Variants in WRNIP1 observed in about 807,000 individuals in gnomAD.
The protein encoded by WRNIP1 is ATPase WRNIP1.
A neutral mutation model predicts 56.1 loss-of-function variants in WRNIP1; 41 were observed. That is an observed-to-expected ratio of 0.73 (90% confidence interval 0.57 to 0.95). The LOEUF is 0.95. WRNIP1 is among the 40% of genes least tolerant of loss of function. The probability of loss-of-function intolerance (pLI) is 0.00; values close to 1 mark genes in which losing one functional copy is unlikely to be tolerated. For missense variants in WRNIP1, 1,170 were observed against 939.4 expected (o/e 1.25, Z -3.21); for synonymous variants, 547 against 398.1 (o/e 1.37, Z -4.45).
In WRNIP1 at chr6:2,768,740, G is replaced by A. The variant is rs908406397; in HGVS notation, c.872G>A (p.Arg291Lys). The change falls in exon 2 of 7, where the codon AGG (arginine) becomes AAG (lysine). Residue 291 changes from arginine (R) to lysine (K), a missense_variant. Physicochemically the swap from Arg to Lys is conservative, Grantham distance 26 (BLOSUM62 2). Coordinates refer to ENST00000380773, the MANE Select transcript of WRNIP1 (RefSeq NM_020135.3). ...IASNSKKHSIRFVTLSATNAK... is the reference protein window; with the variant it reads ...IASNSKKHSIKFVTLSATNAK... ...AGCAACAGCAAGAAACATAGCATAA[G>A]GTTTGTGACATTATCTGCAACAAAT... 3.7e-6 allele frequency: 6 copies of A among 1,613,640 alleles called. No homozygotes were observed. The highest frequency in any genetic ancestry group is 1.7e-5 in the Admixed American group (1 of 59,958).
At position 2,786,790 on chromosome 6, in the gene WRNIP1, A is replaced by C. The variant is rs1393040379; in HGVS notation, c.*1508A>C. The C allele has an allele frequency of 6.6e-6, 1 of 151,182 alleles. No individual in the cohort carries two copies. Among genetic ancestry groups the C allele is most frequent in the African/African-American group, 2.4e-5 (1 of 40,992 alleles). The allele number at this position is 151,182 out of a possible 1,614,324, so 9.4% of individuals were successfully genotyped here. ...GTTTGTAACCTCTATCAACTTGTAG[A>C]CTCTTCTGTCTTTGCTCCCCGTGTT... On this transcript the variant is annotated 3_prime_UTR_variant, in exon 7 of 7. Coordinates refer to ENST00000380773, the MANE Select transcript of WRNIP1 (RefSeq NM_020135.3).
At chr6:2,767,217 AAC>A (rs1582164548) in intron 1 of WRNIP1, among the ~76,000 whole-genome samples, 1 of 152,196 alleles carries the variant, frequency 6.6e-6, no homozygotes, top group East Asian at 1.9e-4. Flanking sequence ...TCATTGGAAA[AAC>A]ACTTGAGAAA....
In WRNIP1 at chr6:2,766,110, A is replaced by C; in HGVS notation, c.488A>C (p.Gln163Pro). The C allele has an allele frequency of 7.7e-7, 1 of 1,304,458 alleles. No individual in the cohort carries two copies. The highest frequency in any genetic ancestry group is 9.7e-7 in the Non-Finnish European group (1 of 1,032,872). The allele number at this position is 1,304,458 out of a possible 1,614,324, so 80.8% of individuals were successfully genotyped here. The change falls in exon 1 of 7, where the codon CAG becomes CCG. Residue 163 changes from glutamine (Q) to proline (P), a missense_variant. Gln to Pro is a moderately conservative substitution (Grantham distance 76). Coordinates refer to ENST00000380773, the MANE Select transcript of WRNIP1 (RefSeq NM_020135.3). Reference sequence around the variant, plus strand: ...CGCAGCTGGGACGAGGCGGAGGCGCAGGAGGAGGAGGAGGCCGTGGGCGAC... The same window carrying C: ...CGCAGCTGGGACGAGGCGGAGGCGCCGGAGGAGGAGGAGGCCGTGGGCGAC... ...SPRSWDEAEA[Q>P]EEEEAVGDGD...
At chr6:2,771,101 T>G (rs1240598210) in intron 3 of WRNIP1, among the ~76,000 whole-genome samples, 1 of 152,232 alleles carries the variant, frequency 6.6e-6, no homozygotes, top group Non-Finnish European at 1.5e-5. Context: ...GCTGAAATAC[T>G]GCCATGGAAC....
chr6:2,786,174 G>A lies in WRNIP1; in HGVS notation c.*892G>A, dbSNP rs1386341316. 6.6e-6 allele frequency: 1 copy of A among 152,188 alleles called. No individual in the cohort carries two copies. Among genetic ancestry groups the A allele is most frequent in the African/African-American group, 2.4e-5 (1 of 41,410 alleles). The allele number at this position is 152,188 out of a possible 1,614,324, so 9.4% of individuals were successfully genotyped here. On this transcript the variant is annotated 3_prime_UTR_variant, in exon 7 of 7. Transcript: ENST00000380773. ...ATGCCCACAAGGATGGCCCCTTCAGGTAGTCGGTTCTCCTCCTGCTGTTGC... is the reference window on the plus strand; with the variant it reads ...ATGCCCACAAGGATGGCCCCTTCAGATAGTCGGTTCTCCTCCTGCTGTTGC...
chr6:2,770,392 C>T (rs1429337744), intron 3 of WRNIP1, 31 bp downstream of exon 3: 5 of 1,612,116 alleles, frequency 3.1e-6, no homozygotes, highest in Admixed American at 3.3e-5. Flanking sequence ...GTCCTGGGGG[C>T]ACACACCTCC....
At chr6:2,767,463 C>T (rs1323184827) in intron 1 of WRNIP1, among the ~76,000 whole-genome samples, 1 of 152,198 alleles carries the variant, frequency 6.6e-6, no homozygotes, top group African/African-American at 2.4e-5. Flanking sequence ...TTAAGCACAC[C>T]CCCTTTAACT....
At chr6:2,774,846 G>C (rs160668) in intron 3 of WRNIP1, among the ~76,000 whole-genome samples, 82,515 of 152,106 alleles carry the variant, frequency 0.54, 23,218 homozygotes, top group East Asian at 0.76. Context: ...CTGGGGCTCT[G>C]CCTTGGATAT....
At chr6:2,779,194 C>G in intron 3 of WRNIP1, 69 bp from the exon 4 acceptor site, 1 of 1,516,598 alleles carries the variant, frequency 6.6e-7, no homozygotes, top group Non-Finnish European at 9.1e-7. Flanking sequence ...GTATGAGTTT[C>G]TAAGACATGT....
At chr6:2,768,541 G>T (rs1036301118) in intron 1 of WRNIP1, 150 bp from the exon 2 acceptor site, 2 of 495,470 alleles carry the variant, frequency 4.0e-6, no homozygotes. Flanking sequence ...ATGTCCTGTG[G>T]TATTTTTGAT....
At chr6:2,766,987 T>C (rs1436578205) in intron 1 of WRNIP1, among the ~76,000 whole-genome samples, 2 of 152,248 alleles carry the variant, frequency 1.3e-5, no homozygotes, top group African/African-American at 2.4e-5. Flanking sequence ...CTTGAGAATA[T>C]ATTGATTTTA....
At chr6:2,773,104 C>T (rs1765347323) in intron 3 of WRNIP1, 1 of 985,432 alleles carries the variant, frequency 1.0e-6, no homozygotes, top group Non-Finnish European at 1.2e-6. Context: ...TTCTTGATTG[C>T]ACTTGAGGAA....
Position 2,784,367 on chromosome 6 carries a change from C to T in WRNIP1, c.1686C>T (p.Tyr562=). The change falls in exon 6 of 7, where the codon TAC becomes TAT. Residue 562 remains tyrosine, a synonymous_variant. Transcript: ENST00000380773. The stretch of plus-strand genomic sequence containing the variant: ...CGTTAACACAAGCGGTTGCTGCCTA[C>T]CAAGGCTGTCATTTTATAGGCATGC... ...PSALTQAVAA[Y]QGCHFIGMPE... 1.2e-6 allele frequency: 2 copies of T among 1,614,102 alleles called. No homozygotes were observed. The highest frequency in any genetic ancestry group is 1.1e-5 in the South Asian group (1 of 91,084).
intron 3 of WRNIP1, among the ~76,000 whole-genome samples, chr6:2,777,091 G>A (rs998735607): frequency 7.2e-6 from 1 of 139,620 alleles, no homozygotes; most frequent in Non-Finnish European, 1.6e-5. Context: ...ACTTGGCACA[G>A]TAGCTTTCAT....
Position 2,766,417 on chromosome 6 carries a change from C to G in WRNIP1, c.795C>G (p.Ile265Met), listed in dbSNP as rs141424762. ...AGACCAACGAAATCCCCTCGCTTAT[C>G]CTGTGGGGGCCGCCGGGCTGCGGCA... The part of the protein sequence containing the change: ...LLETNEIPSL[I>M]LWGPPGCGKT... The change falls in exon 1 of 7, where the codon ATC (isoleucine) becomes ATG (methionine). Residue 265 changes from isoleucine to methionine, a missense_variant. Ile to Met is a conservative substitution (Grantham distance 10). Coordinates refer to ENST00000380773, the MANE Select transcript of WRNIP1 (RefSeq NM_020135.3). 8 of 1,592,410 alleles carry G rather than the reference C, an allele frequency of 5.0e-6. No homozygotes were observed. The Admixed American group carries it at 1.4e-4, about 27-fold the overall frequency.
intron 4 of WRNIP1, among the ~76,000 whole-genome samples, chr6:2,779,950 C>T (rs1190575504): frequency 1.3e-5 from 2 of 152,158 alleles, no homozygotes; most frequent in South Asian, 2.1e-4. Flanking sequence ...AAAAAATAGT[C>T]ATGGATCTTG....
rs756346371 is a variant in WRNIP1, at chr6:2,765,837, G to A, written c.215G>A (p.Arg72Gln). 38 of 1,382,176 alleles carry A rather than the reference G, an allele frequency of 2.7e-5. No homozygotes were observed. The highest frequency in any genetic ancestry group is 3.2e-5 in the Non-Finnish European group (34 of 1,070,142). The allele number at this position is 1,382,176 out of a possible 1,614,324, so 85.6% of individuals were successfully genotyped here. ...CCCTCGCCGCCCGGCGCCAAGAGGC[G>A]GCGGCTGTCGGAGAGCTCGGCGCTG... ...KGPSPPGAKR[R>Q]RLSESSALKQ... is the part of the protein sequence containing the mutation. The change falls in exon 1 of 7, where the codon CGG becomes CAG. Residue 72 changes from arginine to glutamine, a missense_variant. Transcript: ENST00000380773.
At chr6:2,779,151 A>G in intron 3 of WRNIP1, 112 bp from the exon 4 acceptor site, 2 of 1,095,222 alleles carry the variant, frequency 1.8e-6, no homozygotes, top group Non-Finnish European at 1.3e-6. Context: ...TAAGAGGCAA[A>G]GGCCTTGAAC....
chr6:2,783,766 G>A (rs1305671615), intron 5 of WRNIP1, among the ~76,000 whole-genome samples: 1 of 150,342 alleles, frequency 6.7e-6, no homozygotes, highest in Non-Finnish European at 1.5e-5. Flanking sequence ...TGGTGTATGT[G>A]CTTTTGAATG....
Sources: allele counts gnomAD v4.1 joint callset (sites outside exome capture counted in the v4.1 genomes callset), GRCh38; gene constraint gnomAD v4.1.1; transcripts MANE v1.5; gene names NCBI Gene and HGNC (gene_info 2026-07-23, HGNC 2026-07-21).